Variants in CHRNB1 observed in about 807,000 individuals in gnomAD.
CHRNB1 encodes cholinergic receptor nicotinic beta 1 subunit, also known as acetylcholine receptor subunit beta.
In CHRNB1, 47 loss-of-function variants were observed where a neutral mutation model predicts 53.8. The ratio of observed to expected loss-of-function variants is 0.87; its 90% CI spans 0.69 to 1.11. The LOEUF is 1.11. Ranked by LOEUF, CHRNB1 falls within the 50% of genes most tolerant of loss-of-function variation. The probability of loss-of-function intolerance (pLI) is 0.00; values close to 1 mark genes in which losing one functional copy is unlikely to be tolerated. For missense variants in CHRNB1, 605 were observed against 654.9 expected, an observed-to-expected ratio of 0.92 and a Z score of 0.83; for synonymous variants, 259 against 263.5, an observed-to-expected ratio of 0.98 and a Z score of 0.16.
Position 7,445,772 on chromosome 17 carries a change from G to A in CHRNB1, c.199-297G>A. 1.5e-6 allele frequency: 1 copy of A among 654,920 alleles called. No individual in the cohort carries two copies. The highest frequency in any genetic ancestry group is 2.6e-6 in the Non-Finnish European group (1 of 390,438). 40.6% of individuals were successfully genotyped at this position (654,920 alleles called of 1,614,324 possible). ...GGGTCAATAAATGGCAGCGGGTGGAGGTTCGGGGCTGGGTGGATTATGAGC... is the reference window on the plus strand; with the variant it reads ...GGGTCAATAAATGGCAGCGGGTGGAAGTTCGGGGCTGGGTGGATTATGAGC... On this transcript the variant is annotated intron_variant, in intron 2 of 10. Coordinates refer to ENST00000306071, the MANE Select transcript of CHRNB1 (RefSeq NM_000747.3). The surrounding 1 kb of genome is among the most constrained non-coding windows in gnomAD (Gnocchi z 5.7).
At chr17:7,447,262 T>C in intron 5 of CHRNB1, 111 bp downstream of exon 5, 2 of 990,426 alleles carry the variant, frequency 2.0e-6, no homozygotes. Flanking sequence ...CATTATCTAA[T>C]CCCCATGACC....
chr17:7,448,663 G>C lies in CHRNB1; in HGVS notation c.695G>C (p.Arg232Pro). 3 of 1,614,130 alleles carry C rather than the reference G, an allele frequency of 1.9e-6. No homozygotes were observed. Among genetic ancestry groups the C allele is most frequent in the Non-Finnish European group, 2.5e-6 (3 of 1,180,012 alleles). The change falls in exon 7 of 11, where the codon CGC becomes CCC. Residue 232 changes from arginine (R) to proline (P), a missense_variant. Physicochemically the swap from Arg to Pro is moderately radical, Grantham distance 103. Transcript: ENST00000306071. ...GDPRGGREGQ[R>P]QEVIFYLIIR... ...CCTAGGGGAGGGAGGGAAGGACAGCGCCAGGAAGTCATCTTCTACCTCATC... is the reference window on the plus strand; with the variant it reads ...CCTAGGGGAGGGAGGGAAGGACAGCCCCAGGAAGTCATCTTCTACCTCATC...
chr17:7,456,474 C>T, intron 10 of CHRNB1, 109 bp from the exon 11 acceptor site: 2 of 1,448,668 alleles, frequency 1.4e-6, no homozygotes, highest in Admixed American at 1.7e-5. Context: ...CCGGCTGTTG[C>T]CTCAAACCAG....
chr17:7,453,362 G>T (rs934806452), intron 7 of CHRNB1, among the ~76,000 whole-genome samples: 7 of 152,074 alleles, frequency 4.6e-5, no homozygotes, highest in African/African-American at 1.4e-4. Context: ...CAGGTGATTC[G>T]CCTGCCTCGG....
intron 8 of CHRNB1, 24 bp downstream of exon 8, chr17:7,454,544 C>T (rs77319126): frequency 6.3e-7 from 1 of 1,591,348 alleles, no homozygotes; most frequent in African/African-American, 1.3e-5. Context: ...CCTCCTCCAA[C>T]CCCAATTTTC....
chr17:7,451,274 CTTTT>C (rs34769424), intron 7 of CHRNB1, among the ~76,000 whole-genome samples: 31 of 92,024 alleles, frequency 3.4e-4, no homozygotes, highest in African/African-American at 1.4e-3. Context: ...CTTTTCTTTT[CTTTT>C]TTTTTTTTTT....
At position 7,445,254 on chromosome 17, in the gene CHRNB1, T is replaced by C. The variant is rs886185054; in HGVS notation, c.59-16T>C. 29 of 1,612,396 alleles carry C rather than the reference T, an allele frequency of 1.8e-5. No homozygotes were observed. Among genetic ancestry groups the C allele is most frequent in the Non-Finnish European group, 2.4e-5 (28 of 1,179,658 alleles). ...TGGCCAGGCACCAGGGCTGCACTTA[T>C]TCTCTCCTCCCCCAGGCGTCCGCGG... On this transcript the variant is annotated splice_polypyrimidine_tract_variant and intron_variant, in intron 1 of 10. Coordinates refer to ENST00000306071, the MANE Select transcript of CHRNB1 (RefSeq NM_000747.3). The surrounding 1 kb of genome is among the most constrained non-coding windows in gnomAD (Gnocchi z 5.7).
At chr17:7,449,762 C>A (rs564889685) in intron 7 of CHRNB1, among the ~76,000 whole-genome samples, 55 of 151,686 alleles carry the variant, frequency 3.6e-4, no homozygotes, top group African/African-American at 1.3e-3. Flanking sequence ...ATAGTAATAG[C>A]CACCGGGCGC....
rs753146605 is a variant in CHRNB1, at chr17:7,447,985, G to C, written c.610+335G>C. On this transcript the variant is annotated intron_variant, in intron 6 of 10. Coordinates refer to ENST00000306071, the MANE Select transcript of CHRNB1 (RefSeq NM_000747.3). ...AGCTACTTGGGAGGTTGAGGCAGGA[G>C]AATCGCTTGAACCTGGGAGGTGGAG... 3.8e-4 allele frequency among the ~76,000 whole-genome samples: 53 copies of C among 138,814 alleles called. 1 individual carries two copies. The highest frequency in any genetic ancestry group is 4.2e-3 in the Middle Eastern group (1 of 240). 91.1% of individuals were successfully genotyped at this position (138,814 alleles called of 152,430 possible).
chr17:7,449,621 C>A (rs1002975302), intron 7 of CHRNB1, among the ~76,000 whole-genome samples: 1 of 151,814 alleles, frequency 6.6e-6, no homozygotes, highest in Non-Finnish European at 1.5e-5. Flanking sequence ...TGTTGCCCAG[C>A]CTGGTCTGCA....
chr17:7,455,980 G>GA, intron 10 of CHRNB1, 39 bp downstream of exon 10: 2 of 1,607,348 alleles, frequency 1.2e-6, no homozygotes, highest in Non-Finnish European at 1.7e-6. Flanking sequence ...AGGTCTAGGC[G>GA]ACCTTGGCCC....
In CHRNB1 at chr17:7,447,569, T is replaced by A; in HGVS notation, c.529T>A (p.Ser177Thr). ...GTTCAGCTCCTACAGCTACGACAGC[T>A]CGGAGGTCAGCCTGCAGACAGGCCT... is the stretch of plus-strand genomic sequence containing the variant. ...MVFSSYSYDS[S>T]EVSLQTGLGP... The change falls in exon 6 of 11, where the codon TCG becomes ACG. Residue 177 changes from serine (S) to threonine (T), a missense_variant. Physicochemically the swap from Ser to Thr is moderately conservative, Grantham distance 58. Coordinates refer to ENST00000306071, the MANE Select transcript of CHRNB1 (RefSeq NM_000747.3). 6.2e-7 allele frequency: 1 copy of A among 1,614,174 alleles called. No homozygotes were observed. The highest frequency in any genetic ancestry group is 8.5e-7 in the Non-Finnish European group (1 of 1,180,034).
At chr17:7,446,335 G>GTCTC in intron 3 of CHRNB1, 3 of 235,724 alleles carry the variant, frequency 1.3e-5, no homozygotes, top group Non-Finnish European at 1.8e-5. Flanking sequence ...GTCTGTGTGT[G>GTCTC]TGTGTGTGTG....
intron 8 of CHRNB1, 137 bp downstream of exon 8, chr17:7,454,657 T>C (rs1909008075): frequency 2.7e-6 from 2 of 729,238 alleles, no homozygotes; most frequent in Middle Eastern, 3.7e-4. Flanking sequence ...GCCCCCATCA[T>C]TATCATTTCA....
chr17:7,448,583 T>A lies in CHRNB1; in HGVS notation c.615T>A (p.Asn205Lys). The stretch of plus-strand genomic sequence containing the variant: ...CCTCCTTCTGCTCATCCCCAGAGAA[T>A]GGCCAGTGGGAGATTATCCACAAGC... ...IHIHEGTFIE[N>K]GQWEIIHKPS... The change falls in exon 7 of 11, where the codon AAT becomes AAA. Residue 205 changes from asparagine to lysine, a missense_variant. Transcript: ENST00000306071. The A allele has an allele frequency of 1.2e-6, 2 of 1,614,056 alleles. No individual in the cohort carries two copies. The highest frequency in any genetic ancestry group is 1.1e-5 in the South Asian group (1 of 91,070).
Position 7,454,405 on chromosome 17 carries a change from A to G in CHRNB1, c.929A>G (p.Lys310Arg), listed in dbSNP as rs1326483709. Residue 310 changes from lysine to arginine, a missense_variant, in exon 8 of 11, where the codon AAG becomes AGG. By Grantham distance (26) the Lys-to-Arg change is conservative (BLOSUM62 2). Transcript: ENST00000306071. ...ETSLSVPIII[K>R]YLMFTMVLVT... ...TCACTATCAGTACCCATTATTATCA[A>G]GTACCTCATGTTTACCATGGTCCTC... 1 of 1,614,082 alleles carries G rather than the reference A, an allele frequency of 6.2e-7. No homozygotes were observed. The highest frequency in any genetic ancestry group is 8.5e-7 in the Non-Finnish European group (1 of 1,179,992).
intron 6 of CHRNB1, among the ~76,000 whole-genome samples, chr17:7,447,876 G>A (rs1024732572): frequency 2.6e-5 from 4 of 151,972 alleles, no homozygotes; most frequent in Non-Finnish European, 5.9e-5. Flanking sequence ...TCTGGAGTTC[G>A]TGACCAGCCT....
At chr17:7,447,378 C>T (rs2150838583) in intron 5 of CHRNB1, 125 bp from the exon 6 acceptor site, 1 of 1,192,446 alleles carries the variant, frequency 8.4e-7, no homozygotes, top group Non-Finnish European at 1.2e-6. Flanking sequence ...CCATTAATGG[C>T]TTCCCTTCAT....
rs903202318 is a variant in CHRNB1, at chr17:7,445,216, G to A, written c.58+31G>A. The A allele has an allele frequency of 3.7e-6, 6 of 1,611,392 alleles. No individual in the cohort carries two copies. Among genetic ancestry groups the A allele is most frequent in the African/African-American group, 1.3e-5 (1 of 74,896 alleles). ...TGTAGGCCCCGAAGGGGCAGTGACG[G>A]GGCCAGCGGTCGTGGCCAGGCACCA... On this transcript the variant is annotated intron_variant, in intron 1 of 10. Transcript: ENST00000306071. This position sits in a 1 kb window ranked among gnomAD's most constrained non-coding sequence, Gnocchi z 5.7.
Sources: allele counts gnomAD v4.1 joint callset (sites outside exome capture counted in the v4.1 genomes callset), GRCh38; gene constraint gnomAD v4.1.1; non-coding constraint Gnocchi (gnomAD v3.1); transcripts MANE v1.5; gene names NCBI Gene and HGNC (gene_info 2026-07-23, HGNC 2026-07-21).